CA10: variants seen among roughly 807,000 people sequenced by gnomAD.
CA10 encodes the protein carbonic anhydrase-related protein 10.
Under a neutral mutation model 44.2 loss-of-function variants are expected in CA10, and 14 were observed. The ratio of observed to expected loss-of-function variants is 0.32; its 90% CI spans 0.21 to 0.50. The LOEUF is 0.50. Ranked by LOEUF, CA10 falls within the 20% of genes least tolerant of loss-of-function variation. CA10 has a pLI of 0.99. For missense variants in CA10, 350 were observed against 409.7 expected, an observed-to-expected ratio of 0.85 and a Z score of 1.26; for synonymous variants, 159 against 141.6, an observed-to-expected ratio of 1.12 and a Z score of -0.87.
intron 4 of CA10, among the ~76,000 whole-genome samples, chr17:51,683,117 T>C (rs375432222): frequency 1.2e-4 from 18 of 152,242 alleles, no homozygotes; most frequent in African/African-American, 3.6e-4. Flanking sequence ...CCAAGTTATA[T>C]GGATGTGGAA....
At chr17:51,638,540 G>A (rs1209229183) in intron 6 of CA10, among the ~76,000 whole-genome samples, 3 of 152,310 alleles carry the variant, frequency 2.0e-5, no homozygotes, top group Non-Finnish European at 4.4e-5. Flanking sequence ...GGGCACACAC[G>A]ACGTGAGGGA....
chr17:51,753,922 C>T (rs921407831), intron 3 of CA10, among the ~76,000 whole-genome samples: 10 of 152,196 alleles, frequency 6.6e-5, no homozygotes, highest in Admixed American at 2.0e-4. Context: ...TGGCTCACTG[C>T]AACCTCCACC....
chr17:51,965,772 G>C (rs1014963354), intron 2 of CA10, among the ~76,000 whole-genome samples: 1 of 151,856 alleles, frequency 6.6e-6, no homozygotes, highest in African/African-American at 2.4e-5. Flanking sequence ...GGCAAAAGCT[G>C]AAAGCATTTG....
At chr17:51,785,481 C>T (rs1906233856) in intron 3 of CA10, among the ~76,000 whole-genome samples, 1 of 152,118 alleles carries the variant, frequency 6.6e-6, no homozygotes, top group African/African-American at 2.4e-5. Context: ...CATCTCACCC[C>T]AGTTAAAAAT....
intron 3 of CA10, among the ~76,000 whole-genome samples, chr17:51,816,247 G>A (rs1049570534): frequency 3.9e-5 from 6 of 152,140 alleles, no homozygotes; most frequent in Non-Finnish European, 8.8e-5. Context: ...TGACAGGACT[G>A]CATTATTTTT....
intron 3 of CA10, among the ~76,000 whole-genome samples, chr17:51,800,427 A>G (rs1211519010): frequency 2.0e-5 from 3 of 152,182 alleles, no homozygotes; most frequent in African/African-American, 7.2e-5. Context: ...TGGTGGTTGC[A>G]CAACTCTGTG....
intron 2 of CA10, among the ~76,000 whole-genome samples, chr17:51,934,677 G>A (rs1412681899): frequency 6.6e-6 from 1 of 152,106 alleles, no homozygotes; most frequent in Non-Finnish European, 1.5e-5. Flanking sequence ...CCCATCTGCA[G>A]GCCTCTGAGG....
chr17:51,649,702 G>T (rs2143269536), intron 5 of CA10, among the ~76,000 whole-genome samples: 1 of 152,294 alleles, frequency 6.6e-6, no homozygotes, highest in African/African-American at 2.4e-5. Flanking sequence ...AAAGACTTCA[G>T]TGTACTTGGA....
intron 3 of CA10, among the ~76,000 whole-genome samples, chr17:51,871,262 G>A (rs563366850): frequency 2.3e-4 from 34 of 150,162 alleles, no homozygotes; most frequent in South Asian, 2.1e-4. Flanking sequence ...ATGGAGTTTC[G>A]CTCTTGTTGC....
intron 3 of CA10, among the ~76,000 whole-genome samples, chr17:51,840,123 G>C (rs995738173): frequency 6.6e-6 from 1 of 152,108 alleles, no homozygotes; most frequent in East Asian, 1.9e-4. Flanking sequence ...ATCATGTTAC[G>C]CCTCAGGATT....
intron 1 of CA10, among the ~76,000 whole-genome samples, chr17:52,115,278 C>A (rs2143297051): frequency 6.6e-6 from 1 of 152,294 alleles, no homozygotes; most frequent in South Asian, 2.1e-4. Context: ...TGTCTGTGTG[C>A]CTAATTTTTC....
intron 2 of CA10, among the ~76,000 whole-genome samples, chr17:51,995,047 C>T (rs1379488659): frequency 2.0e-5 from 3 of 151,836 alleles, no homozygotes; most frequent in South Asian, 2.1e-4. Flanking sequence ...ACAAAAGATG[C>T]GTGAATGGAA....
Position 52,158,334 on chromosome 17 carries a change from G to A in CA10, c.-548C>T, listed in dbSNP as rs1169634989. 5.2e-6 allele frequency: 1 copy of A among 192,938 alleles called. No homozygotes were observed. Among genetic ancestry groups the A allele is most frequent in the South Asian group, 9.5e-5 (1 of 10,566 alleles). 12.0% of individuals were successfully genotyped at this position (192,938 alleles called of 1,614,324 possible). A position where few individuals can be genotyped will look rare whatever the true frequency, so the allele number is the denominator to read the frequency against. On this transcript the variant is annotated 5_prime_UTR_variant, in exon 1 of 9. Transcript: ENST00000451037. The stretch of plus-strand genomic sequence containing the variant: ...CCGCCCCCCTCACCGGGGCATGGTC[G>A]GAGGGTGGCTGCTGCGCTCCGGGGC...
intron 3 of CA10, among the ~76,000 whole-genome samples, chr17:51,775,175 T>C (rs1338422123): frequency 6.6e-6 from 1 of 152,204 alleles, no homozygotes; most frequent in Non-Finnish European, 1.5e-5. Flanking sequence ...CTCAGTGCCA[T>C]GCTATCTGCT....
At chr17:51,914,646 G>A (rs1168962235) in intron 3 of CA10, among the ~76,000 whole-genome samples, 4 of 152,144 alleles carry the variant, frequency 2.6e-5, no homozygotes, top group African/African-American at 9.6e-5. Context: ...TCAAAACATG[G>A]CAAAGAGAAG....
At chr17:51,648,578 A>G (rs1047505879) in intron 6 of CA10, among the ~76,000 whole-genome samples, 3 of 152,082 alleles carry the variant, frequency 2.0e-5, no homozygotes, top group African/African-American at 7.2e-5. Flanking sequence ...ATTGCTGGAG[A>G]TGACAGCAGC....
At chr17:51,811,363 A>G (rs945809316) in intron 3 of CA10, among the ~76,000 whole-genome samples, 1 of 152,148 alleles carries the variant, frequency 6.6e-6, no homozygotes, top group African/African-American at 2.4e-5. Context: ...ATAGGTATAC[A>G]TGTGTCATGT....
At chr17:51,759,472 A>G (rs973700585) in intron 3 of CA10, among the ~76,000 whole-genome samples, 3 of 138,830 alleles carry the variant, frequency 2.2e-5, no homozygotes, top group Non-Finnish European at 4.7e-5. Context: ...TTTATTATAT[A>G]TAATAATCTA....
At chr17:51,792,626 T>C (rs1812759827) in intron 3 of CA10, among the ~76,000 whole-genome samples, 1 of 152,174 alleles carries the variant, frequency 6.6e-6, no homozygotes, top group South Asian at 2.1e-4. Context: ...CCGGTAGCTA[T>C]TAATTACGCT....
Sources: gnomAD v4.1 joint callset for allele counts (sites outside exome capture counted in the v4.1 genomes callset) on GRCh38, gnomAD v4.1.1 for gene constraint, MANE v1.5 for transcripts, NCBI Gene and HGNC (gene_info 2026-07-23, HGNC 2026-07-21) for gene names.